Variants in PHACTR1 observed in about 807,000 individuals in gnomAD.
PHACTR1 encodes the protein RPEL repeat containing 1.
A neutral mutation model predicts 69.2 loss-of-function variants in PHACTR1; 16 were observed. The ratio of observed to expected loss-of-function variants is 0.23; its 90% CI spans 0.16 to 0.35. PHACTR1 has a LOEUF of 0.35. PHACTR1 is among the 10% of genes least tolerant of loss of function. The pLI is 1.00. For synonymous variants in PHACTR1, 312 were observed against 284.5 expected (o/e 1.10, Z -0.97); for missense variants, 510 against 734.7 (o/e 0.69, Z 3.54).
intron 6 of PHACTR1, among the ~76,000 whole-genome samples, chr6:13,178,829 A>G (rs1334586896): frequency 6.6e-6 from 1 of 152,248 alleles, no homozygotes; most frequent in East Asian, 1.9e-4. Context: ...TGACCTAGCT[A>G]GATGGGGATA....
chr6:12,989,048 A>G lies in PHACTR1; in HGVS notation c.251-64317A>G, dbSNP rs529865934. ...AAAGATTCAAGAAGGAAATTACTGT[A>G]TTAACCACTCAAGATGAATATTTAC... On this transcript the variant is annotated intron_variant, in intron 4 of 14. Coordinates refer to ENST00000332995, the MANE Select transcript of PHACTR1 (RefSeq NM_030948.6). Among the ~76,000 whole-genome samples, 9 of 152,344 alleles carry G rather than the reference A, an allele frequency of 5.9e-5. No individual in the cohort carries two copies. In the East Asian group the frequency reaches 1.7e-3, roughly 29 times the overall value.
At chr6:13,226,816 C>T (rs1271865769) in intron 8 of PHACTR1, among the ~76,000 whole-genome samples, 1 of 150,750 alleles carries the variant, frequency 6.6e-6, no homozygotes, top group East Asian at 1.9e-4. Context: ...TGGCTCACTG[C>T]AACCTCTGCC....
At chr6:12,959,792 C>A (rs1792448400) in intron 4 of PHACTR1, among the ~76,000 whole-genome samples, 1 of 152,220 alleles carries the variant, frequency 6.6e-6, no homozygotes, top group Admixed American at 6.5e-5. Context: ...GAGTGCATTG[C>A]CTTCCACTCT....
chr6:12,854,789 T>C (rs1212399761), intron 4 of PHACTR1, among the ~76,000 whole-genome samples: 1 of 152,096 alleles, frequency 6.6e-6, no homozygotes, highest in South Asian at 2.1e-4. Flanking sequence ...GAAACAATGC[T>C]CAACATTTTG....
chr6:12,896,856 T>C (rs1013989304), intron 4 of PHACTR1, among the ~76,000 whole-genome samples: 1 of 152,184 alleles, frequency 6.6e-6, no homozygotes, highest in African/African-American at 2.4e-5. Context: ...AGTGGGTCTC[T>C]CTAGAGAACT....
At chr6:13,102,112 A>T (rs768427391) in intron 5 of PHACTR1, among the ~76,000 whole-genome samples, 1 of 152,250 alleles carries the variant, frequency 6.6e-6, no homozygotes, top group Non-Finnish European at 1.5e-5. Flanking sequence ...TTACTGACCC[A>T]GAGCTTCACC....
At chr6:12,991,446 C>T (rs797010065) in intron 4 of PHACTR1, among the ~76,000 whole-genome samples, 9 of 152,248 alleles carry the variant, frequency 5.9e-5, no homozygotes, top group African/African-American at 2.2e-4. Flanking sequence ...CAGGTCATTC[C>T]GTTACCTGCC....
chr6:13,228,395 C>G (rs1021298250), intron 9 of PHACTR1, among the ~76,000 whole-genome samples: 1 of 152,192 alleles, frequency 6.6e-6, no homozygotes, highest in Non-Finnish European at 1.5e-5. Flanking sequence ...AAGTTTAAAA[C>G]TCTGTCCCTG....
chr6:12,994,251 G>A (rs1797147409), intron 4 of PHACTR1, among the ~76,000 whole-genome samples: 1 of 152,134 alleles, frequency 6.6e-6, no homozygotes, highest in African/African-American at 2.4e-5. Flanking sequence ...TGATATATTA[G>A]GTGACACAAA....
At chr6:13,159,315 C>A (rs1000740398) in intron 5 of PHACTR1, among the ~76,000 whole-genome samples, 1 of 152,160 alleles carries the variant, frequency 6.6e-6, no homozygotes, top group Non-Finnish European at 1.5e-5. Flanking sequence ...GCCACCCCTA[C>A]CTTTAGACAG....
In PHACTR1 at chr6:12,879,352, G is replaced by C. The variant is rs9381466; in HGVS notation, c.250+129562G>C. Among the ~76,000 whole-genome samples, 1,339 of 152,120 alleles carry C rather than the reference G, an allele frequency of 8.8e-3. 38 individuals are homozygous for C. In the East Asian group the frequency reaches 0.1, roughly 12 times the overall value. On this transcript the variant is annotated intron_variant, in intron 4 of 14. Coordinates refer to ENST00000332995, the MANE Select transcript of PHACTR1 (RefSeq NM_030948.6). ...AATAAAAAATAATACCATTGCCCAA[G>C]ACCACTCAACTCTTTTAAATGTCAC...
At chr6:13,088,401 CT>C (rs765741838) in intron 5 of PHACTR1, among the ~76,000 whole-genome samples, 7 of 151,178 alleles carry the variant, frequency 4.6e-5, no homozygotes, top group Non-Finnish European at 1.5e-5. Context: ...GGACCTGGCT[CT>C]TTATCTTGCC....
At chr6:12,888,853 G>A (rs1386307249) in intron 4 of PHACTR1, among the ~76,000 whole-genome samples, 1 of 152,226 alleles carries the variant, frequency 6.6e-6, no homozygotes, top group African/African-American at 2.4e-5. Flanking sequence ...AGGTATCTGA[G>A]AGGGAAAGAA....
intron 5 of PHACTR1, among the ~76,000 whole-genome samples, chr6:13,069,574 G>A (rs1434084999): frequency 6.6e-6 from 1 of 151,804 alleles, no homozygotes; most frequent in Non-Finnish European, 1.5e-5. Context: ...TTCTTCCTCG[G>A]CTCTGGTTTT....
chr6:13,261,848 G>T (rs1775956978), intron 10 of PHACTR1, among the ~76,000 whole-genome samples: 1 of 152,172 alleles, frequency 6.6e-6, no homozygotes, highest in Non-Finnish European at 1.5e-5. Flanking sequence ...CAAAGAGGAA[G>T]GAAAAGAATG....
chr6:12,758,925 C>G (rs1325419471), intron 4 of PHACTR1, among the ~76,000 whole-genome samples: 4 of 151,802 alleles, frequency 2.6e-5, no homozygotes, highest in Admixed American at 6.6e-5. Flanking sequence ...GAGTTCGAGA[C>G]CAGCCTAGCC....
rs139091832 is a variant in PHACTR1 at position 13,221,239 on chromosome 6, C to T, written c.987-6577C>T. Among the ~76,000 whole-genome samples the T allele has an allele frequency of 2.6e-3, 388 of 152,048 alleles. 1 individual carries two copies. Among genetic ancestry groups the T allele is most frequent in the African/African-American group, 8.7e-3 (362 of 41,476 alleles). On this transcript the variant is annotated intron_variant, in intron 8 of 14. Transcript: ENST00000332995. ...CAAGTGGTCTGATATGGCTGGAACC[C>T]TAGGAAGATGGTAAGGAATAATAAC...
At chr6:12,787,579 G>T (rs1308423913) in intron 4 of PHACTR1, among the ~76,000 whole-genome samples, 3 of 152,214 alleles carry the variant, frequency 2.0e-5, no homozygotes, top group Admixed American at 6.5e-5. Flanking sequence ...TTTGACAAAA[G>T]TTAGGGAGAC....
At chr6:13,151,838 G>A (rs1824358381) in intron 5 of PHACTR1, among the ~76,000 whole-genome samples, 1 of 152,128 alleles carries the variant, frequency 6.6e-6, no homozygotes, top group Non-Finnish European at 1.5e-5. Flanking sequence ...CCTATGGAGG[G>A]AGAGAAAGTG....
Sources: gnomAD v4.1 joint callset for allele counts (sites outside exome capture counted in the v4.1 genomes callset) on GRCh38, gnomAD v4.1.1 for gene constraint, MANE v1.5 for transcripts, NCBI Gene and HGNC (gene_info 2026-07-23, HGNC 2026-07-21) for gene names.